Variants in DCHS1 observed in about 807,000 individuals in gnomAD.
DCHS1 encodes protocadherin-16.
A neutral mutation model predicts 213.9 loss-of-function variants in DCHS1; 78 were observed. The ratio of observed to expected loss-of-function variants is 0.36; its 90% CI spans 0.30 to 0.44. The LOEUF is 0.44. Among genes scored for constraint, DCHS1 ranks in the 20% least tolerant of loss-of-function variants. The pLI is 1.00. For synonymous variants in DCHS1, 1,828 were observed against 1,873.7 expected (o/e 0.98, Z 0.63); for missense variants, 3,946 against 4,395.9 (o/e 0.90, Z 2.89).
At position 6,632,126 on chromosome 11, in the gene DCHS1, G is replaced by A. The variant is rs1032597388; in HGVS notation, c.3386C>T (p.Ala1129Val). 6.4e-7 allele frequency: 1 copy of A among 1,574,660 alleles called. No individual in the cohort carries two copies. The highest frequency in any genetic ancestry group is 8.6e-7 in the Non-Finnish European group (1 of 1,156,228). Residue 1129 changes from alanine to valine, a missense_variant, in exon 6 of 21, where the codon GCC (alanine) becomes GTC (valine). Transcript: ENST00000299441. The surrounding 1 kb of genome is among the most constrained non-coding windows in gnomAD (Gnocchi z 5.9). ...PPGTSVGRVF[A>V]TDRDSGPNGR... ...ATTGGGTCCTGAGTCTCGGTCAGTG[G>A]CAAAGACTCGGCCCACGCTGGTCCC...
chr11:6,654,246 G>C (rs1856284380), intron 1 of DCHS1, among the ~76,000 whole-genome samples: 2 of 152,198 alleles, frequency 1.3e-5, no homozygotes, highest in Admixed American at 6.5e-5. Context: ...TGTACAAGTG[G>C]CTGTGTGGTA....
At chr11:6,624,503 C>A in intron 20 of DCHS1, 113 bp from the exon 21 acceptor site, 1 of 1,342,822 alleles carries the variant, frequency 7.4e-7, no homozygotes, top group Non-Finnish European at 1.0e-6. Flanking sequence ...CAGGGAATGG[C>A]CTATCTGCTG....
intron 1 of DCHS1, among the ~76,000 whole-genome samples, chr11:6,654,522 T>C (rs913822660): frequency 2.0e-5 from 3 of 151,950 alleles, no homozygotes; most frequent in African/African-American, 7.3e-5. Context: ...TGGGAGTATG[T>C]TGGTTGCAGC....
chr11:6,627,504 C>T lies in DCHS1; in HGVS notation c.5535G>A (p.Val1845=), dbSNP rs1252418895. The T allele has an allele frequency of 6.2e-7, 1 of 1,611,900 alleles. No homozygotes were observed. The highest frequency in any genetic ancestry group is 1.3e-5 in the African/African-American group (1 of 74,890). ...LSATLLLTVT[V]LDANDHAPAF... ...CTGGAGCATGGTCATTGGCATCCAG[C>T]ACTGTCACTGTCAAAAGCAGCGTGG... The change falls in exon 14 of 21, where the codon GTG becomes GTA. Residue 1845 remains valine (V), a synonymous_variant. Transcript: ENST00000299441. The surrounding 1 kb of genome is among the most constrained non-coding windows in gnomAD (Gnocchi z 5.4).
chr11:6,630,653 G>A lies in DCHS1; in HGVS notation c.4141C>T (p.Leu1381=). ...TACAAGCGCCCTGAGGCCGCATCCAGCGCGAAGGTGCCCTCGGGATCGGCA... is the reference window on the plus strand; with the variant it reads ...TACAAGCGCCCTGAGGCCGCATCCAACGCGAAGGTGCCCTCGGGATCGGCA... The part of the protein sequence containing the change: ...GGADPEGTFA[L]DAASGRLYLA... Residue 1381 remains leucine (L), a synonymous_variant, in exon 10 of 21, where the codon CTG becomes TTG. Coordinates refer to ENST00000299441, the MANE Select transcript of DCHS1 (RefSeq NM_003737.4). The A allele has an allele frequency of 1.3e-6, 2 of 1,536,482 alleles. No homozygotes were observed. The highest frequency in any genetic ancestry group is 1.7e-6 in the Non-Finnish European group (2 of 1,144,644).
At chr11:6,636,436 C>G (rs1855986783) in intron 2 of DCHS1, among the ~76,000 whole-genome samples, 1 of 152,142 alleles carries the variant, frequency 6.6e-6, no homozygotes, top group South Asian at 2.1e-4. Context: ...TCTCAAACTC[C>G]TGGCCTCAAC....
At chr11:6,648,564 T>A (rs1856200388) in intron 1 of DCHS1, among the ~76,000 whole-genome samples, 1 of 152,136 alleles carries the variant, frequency 6.6e-6, no homozygotes, top group African/African-American at 2.4e-5. Context: ...AGAGCAGACA[T>A]CAGCATGGAT....
chr11:6,639,956 C>T lies in DCHS1; in HGVS notation c.1658G>A (p.Gly553Asp). ...AGAGGAGGCTAGAGGGGGCAGGCCA[C>T]CATCTGTGGCCACCACAATCAGCTG... is the stretch of plus-strand genomic sequence containing the variant. ...QPQLIVVATD[G>D]GLPPLASSAT... The change falls in exon 2 of 21, where the codon GGT (glycine) becomes GAT (aspartate). Residue 553 changes from glycine (G) to aspartate (D), a missense_variant. By Grantham distance (94) the Gly-to-Asp change is moderately conservative. This residue lies in a region of DCHS1 where 3,384 missense variants were observed against 3,780.1 expected (regional missense o/e 0.90). Transcript: ENST00000299441. The T allele has an allele frequency of 2.5e-6, 4 of 1,614,014 alleles. No homozygotes were observed. The South Asian group carries it at 4.4e-5, about 18-fold the overall frequency.
At chr11:6,651,205 G>C (rs1226909432) in intron 1 of DCHS1, among the ~76,000 whole-genome samples, 1 of 152,224 alleles carries the variant, frequency 6.6e-6, no homozygotes. Flanking sequence ...AAGCCTGCCC[G>C]GTGGAGTCAT....
chr11:6,640,236 G>C lies in DCHS1; in HGVS notation c.1378C>G (p.Leu460Val). Residue 460 changes from leucine (L) to valine (V), a missense_variant, in exon 2 of 21, where the codon CTG becomes GTG. This residue lies in a region of DCHS1 where 3,384 missense variants were observed against 3,780.1 expected (regional missense o/e 0.90). Transcript: ENST00000299441. This position sits in a 1 kb window ranked among gnomAD's most constrained non-coding sequence, Gnocchi z 6.5. ...PPLRAEAAFV[L>V]HVTDVNDNAP... ...TTGTCGTTGACATCAGTGACGTGCA[G>C]CACAAAGGCAGCCTCAGCCCGCAGT... 1 of 1,612,210 alleles carries C rather than the reference G, an allele frequency of 6.2e-7. No homozygotes were observed. The highest frequency in any genetic ancestry group is 8.5e-7 in the Non-Finnish European group (1 of 1,179,154).
chr11:6,651,787 T>G (rs933427702), intron 1 of DCHS1, among the ~76,000 whole-genome samples: 102 of 152,286 alleles, frequency 6.7e-4, no homozygotes, highest in African/African-American at 2.2e-3. Flanking sequence ...ATGGTGACAG[T>G]TAATTTCTGG....
intron 6 of DCHS1, 58 bp downstream of exon 6, chr11:6,631,973 T>C: frequency 4.1e-6 from 6 of 1,479,782 alleles, no homozygotes; most frequent in Non-Finnish European, 5.4e-6. Flanking sequence ...CCTGTCTGAA[T>C]GTTCACCAGG....
chr11:6,637,227 G>A (rs1394661745), intron 2 of DCHS1, among the ~76,000 whole-genome samples: 1 of 152,080 alleles, frequency 6.6e-6, no homozygotes, highest in Non-Finnish European at 1.5e-5. Flanking sequence ...TCTCAAATTG[G>A]CACTACTGAC....
rs1856307695 is a variant in DCHS1, at chr11:6,655,763, G to A, written c.-321C>T. ...CGATCGGTCCGTCCGCTGACGCCCG[G>A]GCGCCGCCTCCTGCACAGCCGCCCC... On this transcript the variant is annotated 5_prime_UTR_variant, in exon 1 of 21. Coordinates refer to ENST00000299441, the MANE Select transcript of DCHS1 (RefSeq NM_003737.4). 6.1e-6 allele frequency: 6 copies of A among 979,776 alleles called. No homozygotes were observed. The highest frequency in any genetic ancestry group is 7.2e-6 in the Non-Finnish European group (6 of 827,808). 60.7% of individuals were successfully genotyped at this position (979,776 alleles called of 1,614,324 possible).
rs781235879 is a variant in DCHS1, at chr11:6,632,918, A to G, written c.2594T>C (p.Val865Ala). ...TGGGGGCACTCCACTGCCTGCTCGC[A>G]CCTCCAGCTCCAACACTGGTCCCAG... Reference protein sequence around the residue: ...ELLGPVLELEVRAGSGVPPAF... With the variant: ...ELLGPVLELEARAGSGVPPAF... Residue 865 changes from valine (V) to alanine (A), a missense_variant, in exon 6 of 21, where the codon GTG becomes GCG. Physicochemically the swap from Val to Ala is moderately conservative, Grantham distance 64. Around this residue, in one of 3 missense-constraint regions of DCHS1, gnomAD observed 3,384 missense variants for 3,780.1 expected, o/e 0.90. Transcript: ENST00000299441. This position sits in a 1 kb window ranked among gnomAD's most constrained non-coding sequence, Gnocchi z 5.9. 1 of 1,613,176 alleles carries G rather than the reference A, an allele frequency of 6.2e-7. No homozygotes were observed.
chr11:6,625,055 G>A lies in DCHS1; in HGVS notation c.7146+143C>T, dbSNP rs908056665. ...TTCTGGGTACAGGATGCAAAACCAG[G>A]ATGTAGTTCACAGGACTTGGGACCT... On this transcript the variant is annotated intron_variant, in intron 19 of 20. Transcript: ENST00000299441. This position sits in a 1 kb window ranked among gnomAD's most constrained non-coding sequence, Gnocchi z 5.3. 1.5e-6 allele frequency: 2 copies of A among 1,374,742 alleles called. No individual in the cohort carries two copies. The highest frequency in any genetic ancestry group is 2.8e-5 in the South Asian group (2 of 70,832). The allele number at this position is 1,374,742 out of a possible 1,614,324, so 85.2% of individuals were successfully genotyped here.
In DCHS1 at chr11:6,627,433, G is replaced by A; in HGVS notation, c.5606C>T (p.Pro1869Leu). The A allele has an allele frequency of 6.2e-7, 1 of 1,610,774 alleles. No homozygotes were observed. The highest frequency in any genetic ancestry group is 8.5e-7 in the Non-Finnish European group (1 of 1,178,580). The part of the protein sequence containing the change: ...AYSVEVPEDV[P>L]AGTLLLQLQA... ...TAGCTGCAGCAGCAGGGTCCCTGCA[G>A]GCACATCCTCCGGCACCTCCACCGA... Residue 1869 changes from proline (P) to leucine (L), a missense_variant, in exon 14 of 21, where the codon CCT (proline) becomes CTT (leucine). Transcript: ENST00000299441. This position sits in a 1 kb window ranked among gnomAD's most constrained non-coding sequence, Gnocchi z 5.4.
Position 6,655,796 on chromosome 11 carries a change from A to G in DCHS1, c.-354T>C, listed in dbSNP as rs1360879334. ...CTCCTGCACAGCCGCCCCGCCGAGG[A>G]TGCGAGCTCCGCTGCCGCGGCCCCG... On this transcript the variant is annotated 5_prime_UTR_variant, in exon 1 of 21. Coordinates refer to ENST00000299441, the MANE Select transcript of DCHS1 (RefSeq NM_003737.4). 6.4e-6 allele frequency: 6 copies of G among 936,438 alleles called. No homozygotes were observed. The highest frequency in any genetic ancestry group is 7.5e-6 in the Non-Finnish European group (6 of 799,562). The allele number at this position is 936,438 out of a possible 1,614,324, so 58.0% of individuals were successfully genotyped here. A position where few individuals can be genotyped will look rare whatever the true frequency, so the allele number is the denominator to read the frequency against.
In DCHS1 at chr11:6,630,738, G is replaced by A; in HGVS notation, c.4056C>T (p.Gly1352=). 6.5e-7 allele frequency: 1 copy of A among 1,545,102 alleles called. No individual in the cohort carries two copies. The highest frequency in any genetic ancestry group is 1.2e-5 in the South Asian group (1 of 84,052). ...AEGLRPGSLL[G]SVAAPEPAGV... ...CCGCGGGCTCTGGCGCTGCCACCGAGCCCAACAGAGAGCCGGGCCGCAGTC... is the reference window on the plus strand; with the variant it reads ...CCGCGGGCTCTGGCGCTGCCACCGAACCCAACAGAGAGCCGGGCCGCAGTC... The change falls in exon 10 of 21, where the codon GGC becomes GGT. Residue 1352 remains glycine, a synonymous_variant. Transcript: ENST00000299441.
Sources: allele counts gnomAD v4.1 joint callset (sites outside exome capture counted in the v4.1 genomes callset), GRCh38; gene constraint gnomAD v4.1.1; regional missense constraint gnomAD v4.1.1; non-coding constraint Gnocchi (gnomAD v3.1); transcripts MANE v1.5; gene names NCBI Gene and HGNC (gene_info 2026-07-23, HGNC 2026-07-21).